FAM13A: variants seen among roughly 807,000 people sequenced by gnomAD.
FAM13A encodes the protein family with sequence similarity 13 member A.
Under a neutral mutation model 129.6 loss-of-function variants are expected in FAM13A, and 76 were observed. That is an observed-to-expected ratio of 0.59 (90% CI 0.49 to 0.71). The LOEUF (loss-of-function observed/expected upper bound fraction) is 0.71, where lower values mean the gene tolerates loss of function less well. Among genes scored for constraint, FAM13A ranks in the 30% least tolerant of loss-of-function variants. FAM13A has a pLI of 0.00. For missense variants in FAM13A, 1,108 were observed against 1,249.3 expected, an observed-to-expected ratio of 0.89 and a Z score of 1.70; for synonymous variants, 443 against 449.9, an observed-to-expected ratio of 0.98 and a Z score of 0.20.
At chr4:88,760,924 T>A (rs1254198976) in intron 13 of FAM13A, among the ~76,000 whole-genome samples, 1 of 152,184 alleles carries the variant, frequency 6.6e-6, no homozygotes, top group Non-Finnish European at 1.5e-5. Flanking sequence ...AAAAGATTTA[T>A]AATGCTTATT....
At chr4:89,034,709 C>A (rs1179419053) in intron 1 of FAM13A, among the ~76,000 whole-genome samples, 1 of 152,098 alleles carries the variant, frequency 6.6e-6, no homozygotes, top group Non-Finnish European at 1.5e-5. Flanking sequence ...TGGCGAAACC[C>A]CATCTCTACT....
At chr4:88,825,163 C>T (rs959351282) in intron 7 of FAM13A, among the ~76,000 whole-genome samples, 2 of 151,528 alleles carry the variant, frequency 1.3e-5, no homozygotes, top group South Asian at 2.1e-4. Flanking sequence ...TTCTGGAACT[C>T]GCTGCTATAT....
At chr4:88,841,366 C>T (rs945740965) in intron 7 of FAM13A, among the ~76,000 whole-genome samples, 5 of 151,780 alleles carry the variant, frequency 3.3e-5, no homozygotes, top group East Asian at 1.9e-4. Context: ...TGGTGGCATG[C>T]GCCTGTAATC....
intron 6 of FAM13A, among the ~76,000 whole-genome samples, chr4:88,881,630 T>A (rs1421862064): frequency 2.0e-5 from 3 of 151,502 alleles, no homozygotes; most frequent in African/African-American, 7.3e-5. Context: ...CAAGAAGAAA[T>A]CTCTGAATTG....
chr4:88,922,127 C>T lies in FAM13A; in HGVS notation c.760-15665G>A, dbSNP rs1237604208. On this transcript the variant is annotated intron_variant, in intron 5 of 23. Coordinates refer to ENST00000264344, the MANE Select transcript of FAM13A (RefSeq NM_014883.4). Reference sequence around the variant, plus strand: ...GGAGATTTTAACACCCCACTGTCAACATTAGACAGATCAATGAGACAGAAA... The same window carrying T: ...GGAGATTTTAACACCCCACTGTCAATATTAGACAGATCAATGAGACAGAAA... Among the ~76,000 whole-genome samples the T allele has an allele frequency of 3.7e-3, 562 of 149,886 alleles. 15 individuals carry two copies. The highest frequency in any genetic ancestry group is 0.013 in the African/African-American group (519 of 39,324).
At chr4:88,997,057 A>G (rs1579687434) in intron 3 of FAM13A, among the ~76,000 whole-genome samples, 1 of 152,320 alleles carries the variant, frequency 6.6e-6, no homozygotes, top group East Asian at 1.9e-4. Context: ...TAAATAGAAG[A>G]AAAAGCTCCT....
At chr4:88,923,134 G>C (rs1335944792) in intron 5 of FAM13A, among the ~76,000 whole-genome samples, 1 of 152,040 alleles carries the variant, frequency 6.6e-6, no homozygotes, top group Non-Finnish European at 1.5e-5. Context: ...AGGAGGAACT[G>C]GTACCATTCC....
intron 4 of FAM13A, among the ~76,000 whole-genome samples, chr4:88,947,428 A>C (rs1467973131): frequency 6.6e-6 from 1 of 152,086 alleles, no homozygotes; most frequent in Admixed American, 6.6e-5. Context: ...AACAAAAAAC[A>C]CACAGAAATG....
chr4:88,822,925 A>T, intron 7 of FAM13A: 1 of 1,601,922 alleles, frequency 6.2e-7, no homozygotes, highest in Non-Finnish European at 8.5e-7. Context: ...ATATGGCTTG[A>T]TACAACTCAA....
At chr4:88,900,260 A>C (rs1747069602) in intron 6 of FAM13A, among the ~76,000 whole-genome samples, 1 of 152,164 alleles carries the variant, frequency 6.6e-6, no homozygotes, top group African/African-American at 2.4e-5. Flanking sequence ...CAACTTAACA[A>C]GACAGCCCAA....
chr4:88,977,001 T>C (rs1208566579), intron 4 of FAM13A, among the ~76,000 whole-genome samples: 1 of 152,206 alleles, frequency 6.6e-6, no homozygotes, highest in African/African-American at 2.4e-5. Context: ...AAGCACACTC[T>C]ATGATATTCA....
intron 4 of FAM13A, among the ~76,000 whole-genome samples, chr4:88,954,656 G>A (rs1157715105): frequency 2.6e-5 from 4 of 152,160 alleles, no homozygotes; most frequent in Admixed American, 2.0e-4. Flanking sequence ...GGCCCAAGGT[G>A]GGCAGATTGC....
At chr4:88,894,278 T>G (rs1745900625) in intron 6 of FAM13A, among the ~76,000 whole-genome samples, 2 of 152,196 alleles carry the variant, frequency 1.3e-5, no homozygotes, top group South Asian at 4.1e-4. Flanking sequence ...CTATTGGAAG[T>G]GACTTAAATA....
At chr4:88,820,122 C>A (rs561335031) in intron 7 of FAM13A, among the ~76,000 whole-genome samples, 1 of 152,180 alleles carries the variant, frequency 6.6e-6, no homozygotes, top group Non-Finnish European at 1.5e-5. Flanking sequence ...AACAACGTAT[C>A]TTCTATACAC....
intron 6 of FAM13A, among the ~76,000 whole-genome samples, chr4:88,903,824 C>T (rs1224609034): frequency 6.6e-6 from 1 of 152,034 alleles, no homozygotes; most frequent in East Asian, 1.9e-4. Context: ...GAAACTGTCA[C>T]CATAGTGAAC....
intron 3 of FAM13A, 63 bp from the exon 4 acceptor site, chr4:88,991,213 A>T (rs1366892544): frequency 1.6e-6 from 2 of 1,215,818 alleles, no homozygotes; most frequent in South Asian, 1.4e-5. Flanking sequence ...ACAAAAGCCC[A>T]TAGGTGTAAT....
At chr4:88,874,745 C>T (rs966564913) in intron 6 of FAM13A, among the ~76,000 whole-genome samples, 1 of 152,164 alleles carries the variant, frequency 6.6e-6, no homozygotes, top group Non-Finnish European at 1.5e-5. Context: ...AATGCCATCC[C>T]CATCAAGCTA....
intron 4 of FAM13A, among the ~76,000 whole-genome samples, chr4:88,979,600 T>C (rs9307059): frequency 0.54 from 81,561 of 151,804 alleles, 21,939 homozygotes; most frequent in Middle Eastern, 0.62. Context: ...AATGAAGAAA[T>C]AGATACAAAG....
intron 5 of FAM13A, among the ~76,000 whole-genome samples, chr4:88,907,865 G>A (rs1003974699): frequency 4.6e-5 from 7 of 152,158 alleles, no homozygotes; most frequent in Non-Finnish European, 7.3e-5. Flanking sequence ...TCAACTAGTC[G>A]GCCTCCCTGA....
Sources: allele counts gnomAD v4.1 joint callset (sites outside exome capture counted in the v4.1 genomes callset), GRCh38; gene constraint gnomAD v4.1.1; transcripts MANE v1.5; gene names NCBI Gene and HGNC (gene_info 2026-07-23, HGNC 2026-07-21).